Variants in PTPRT observed in about 807,000 individuals in gnomAD.
The protein encoded by PTPRT is receptor-type tyrosine-protein phosphatase T.
PTPRT carries 56 observed loss-of-function variants against 176.8 expected under a neutral mutation model. That is an observed-to-expected ratio of 0.32 (90% confidence interval 0.26 to 0.40). PTPRT has a LOEUF of 0.40. Among genes scored for constraint, PTPRT ranks in the 10% least tolerant of loss-of-function variants. The pLI, the probability that PTPRT is intolerant of heterozygous loss-of-function variation, is 1.00. For missense variants in PTPRT, 1,540 were observed against 1,908.2 expected, an observed-to-expected ratio of 0.81 and a Z score of 3.60; for synonymous variants, 783 against 739.0, an observed-to-expected ratio of 1.06 and a Z score of -0.96.
chr20:42,153,383 A>C (rs529055109), intron 17 of PTPRT, among the ~76,000 whole-genome samples: 1 of 152,280 alleles, frequency 6.6e-6, no homozygotes, highest in African/African-American at 2.4e-5. Flanking sequence ...CAGAGAGGGA[A>C]GAGTCTTGCC....
chr20:42,061,046 T>C, the PTPRT span, among the ~76,000 whole-genome samples: 1 of 152,180 alleles, frequency 6.6e-6, no homozygotes, highest in Admixed American at 6.5e-5. Context: ...TATATCATAG[T>C]GTTGTAAGAA....
chr20:42,316,550 T>G (rs2057724084), intron 11 of PTPRT, among the ~76,000 whole-genome samples: 1 of 152,244 alleles, frequency 6.6e-6, no homozygotes, highest in African/African-American at 2.4e-5. Context: ...TATGGCTTCC[T>G]AATCATATAG....
At chr20:42,359,554 G>C (rs559514570) in intron 9 of PTPRT, among the ~76,000 whole-genome samples, 1 of 152,180 alleles carries the variant, frequency 6.6e-6, no homozygotes, top group Admixed American at 6.5e-5. Context: ...GCCAGCGGGA[G>C]GGAAGACCAC....
chr20:42,678,271 TC>T, intron 6 of PTPRT, 112 bp from the exon 7 acceptor site: 1 of 958,486 alleles, frequency 1.0e-6, no homozygotes, highest in East Asian at 2.7e-5. Flanking sequence ...AAAAAAATAG[TC>T]AGAAACCCCT....
intron 2 of PTPRT, among the ~76,000 whole-genome samples, chr20:42,863,849 G>A (rs1284287745): frequency 6.6e-6 from 1 of 152,212 alleles, no homozygotes; most frequent in Non-Finnish European, 1.5e-5. Flanking sequence ...CATATGATGT[G>A]ACATCTCTTT....
intron 7 of PTPRT, among the ~76,000 whole-genome samples, chr20:42,479,631 A>C (rs2071349957): frequency 6.6e-6 from 1 of 152,226 alleles, no homozygotes; most frequent in Admixed American, 6.5e-5. Context: ...GGTGGACAAG[A>C]ATTTGTTGAA....
intron 19 of PTPRT, among the ~76,000 whole-genome samples, chr20:42,124,907 C>G (rs1428070362): frequency 1.3e-5 from 2 of 152,094 alleles, no homozygotes; most frequent in Non-Finnish European, 2.9e-5. Context: ...GCGCCATGGG[C>G]TCCTATTCTT....
intron 7 of PTPRT, among the ~76,000 whole-genome samples, chr20:42,567,498 G>A (rs1285192448): frequency 6.6e-6 from 1 of 152,136 alleles, no homozygotes; most frequent in African/African-American, 2.4e-5. Flanking sequence ...GTGAGGTACT[G>A]TACACTTTCT....
rs1041477419 is a variant in PTPRT, at chr20:43,021,296, A to T, written c.89-135364T>A. ...GAGGCCCTACAGAAGGCATTTCCTAAACACATGTTACCTCAATTTGTTGAG... is the reference window on the plus strand; with the variant it reads ...GAGGCCCTACAGAAGGCATTTCCTATACACATGTTACCTCAATTTGTTGAG... On this transcript the variant is annotated intron_variant, in intron 1 of 30. Transcript: ENST00000373187. Among the ~76,000 whole-genome samples the T allele has an allele frequency of 5.3e-5, 8 of 152,144 alleles. No individual in the cohort carries two copies. The South Asian group carries it at 8.3e-4, about 16-fold the overall frequency.
rs148891400 is a variant in PTPRT at position 42,076,734 on chromosome 20, A to ATT, written c.*4143_*4144dup. ...CAGAACAACATGAGGAACAGAGCAC[A>ATT]TTTTTTTTTGAAATATTCATAGAGT... On this transcript the variant is annotated 3_prime_UTR_variant, in exon 31 of 31. Transcript: ENST00000373187. 7 of 200,892 alleles carry ATT rather than the reference A, an allele frequency of 3.5e-5. No homozygotes were observed. Among genetic ancestry groups the ATT allele is most frequent in the African/African-American group, 1.6e-4 (7 of 43,090 alleles). The allele number at this position is 200,892 out of a possible 1,614,324, so 12.4% of individuals were successfully genotyped here.
chr20:43,147,325 T>C (rs1429759058), intron 1 of PTPRT, among the ~76,000 whole-genome samples: 1 of 152,148 alleles, frequency 6.6e-6, no homozygotes, highest in Admixed American at 6.6e-5. Flanking sequence ...AAAGCAACAG[T>C]ACTCCCCTCA....
intron 1 of PTPRT, among the ~76,000 whole-genome samples, chr20:43,177,898 A>C (rs3091415): frequency 0.97 from 148,364 of 152,298 alleles, 72,291 homozygotes; most frequent in East Asian, 1. Flanking sequence ...CACTTTTCCA[A>C]CAAAAATGGT....
chr20:43,062,623 G>T (rs557446399), intron 1 of PTPRT, among the ~76,000 whole-genome samples: 4 of 152,138 alleles, frequency 2.6e-5, no homozygotes, highest in African/African-American at 7.2e-5. Flanking sequence ...TATGCTAGAA[G>T]AATAATCAAG....
Position 42,465,454 on chromosome 20 carries a change from C to T in PTPRT, c.1450+6812G>A, listed in dbSNP as rs147620427. ...GAATAAATTACAGTATTTCCATCAA[C>T]ACAATGAAATACCATAGTGTCATAA... On this transcript the variant is annotated intron_variant, in intron 8 of 30. Coordinates refer to ENST00000373187, the MANE Select transcript of PTPRT (RefSeq NM_007050.6). Among the ~76,000 whole-genome samples the T allele has an allele frequency of 9.8e-4, 149 of 152,222 alleles. 1 individual carries two copies. The East Asian group carries it at 0.025, about 26-fold the overall frequency.
intron 9 of PTPRT, 27 bp downstream of exon 9, chr20:42,448,193 T>C (rs1195245594): frequency 6.5e-7 from 1 of 1,534,188 alleles, no homozygotes; most frequent in South Asian, 1.1e-5. Flanking sequence ...GCTAAGCCAA[T>C]GGATGCAGCA....
chr20:42,920,335 A>C (rs11908022), intron 1 of PTPRT, among the ~76,000 whole-genome samples: 6,064 of 152,292 alleles, frequency 0.04, 308 homozygotes, highest in African/African-American at 0.12. Context: ...ATAAAGTTAT[A>C]GAGACTGAAA....
chr20:42,389,172 T>TTAACCAAA (rs2058775041), intron 9 of PTPRT, among the ~76,000 whole-genome samples: 1 of 151,744 alleles, frequency 6.6e-6, no homozygotes, highest in Non-Finnish European at 1.5e-5. Context: ...ATATATCTAA[T>TTAACCAAA]GTAAATGACG....
chr20:42,064,988 T>C, the PTPRT span, among the ~76,000 whole-genome samples: 5 of 152,206 alleles, frequency 3.3e-5, no homozygotes, highest in Admixed American at 2.6e-4. Context: ...CTCTGGGCTG[T>C]CTGTGCTGAA....
At chr20:42,767,071 C>G (rs554067321) in intron 5 of PTPRT, among the ~76,000 whole-genome samples, 55 of 152,298 alleles carry the variant, frequency 3.6e-4, no homozygotes, top group African/African-American at 1.3e-3. Context: ...AGAAACTGGC[C>G]ACTGCCTTGG....
Sources: gnomAD v4.1 joint callset for allele counts (sites outside exome capture counted in the v4.1 genomes callset) on GRCh38, gnomAD v4.1.1 for gene constraint, MANE v1.5 for transcripts, NCBI Gene and HGNC (gene_info 2026-07-23, HGNC 2026-07-21) for gene names.